TPCN1: variants seen among roughly 807,000 people sequenced by gnomAD.
TPCN1 encodes two pore segment channel 1.
Under a neutral mutation model 108.8 loss-of-function variants are expected in TPCN1, and 52 were observed. That is an observed-to-expected ratio of 0.48 (90% CI 0.38 to 0.60). TPCN1 has a LOEUF of 0.60. Among genes scored for constraint, TPCN1 ranks in the 20% least tolerant of loss-of-function variants. TPCN1 has a pLI of 0.00. For synonymous variants in TPCN1, 446 were observed against 433.7 expected (o/e 1.03, Z -0.35); for missense variants, 806 against 1,072.8 (o/e 0.75, Z 3.47).
intron 2 of TPCN1, among the ~76,000 whole-genome samples, chr12:113,238,365 C>T (rs1953974104): frequency 6.6e-6 from 1 of 152,184 alleles, no homozygotes; most frequent in African/African-American, 2.4e-5. Context: ...TTGGTGGCTT[C>T]CTGCTTCAGC....
intron 2 of TPCN1, among the ~76,000 whole-genome samples, chr12:113,227,400 T>C (rs1953512989): frequency 6.6e-6 from 1 of 152,194 alleles, no homozygotes; most frequent in African/African-American, 2.4e-5. Flanking sequence ...CTTTGCTCCA[T>C]CTCAGTCCCT....
intron 10 of TPCN1, among the ~76,000 whole-genome samples, chr12:113,276,439 C>A (rs962044842): frequency 6.6e-5 from 10 of 152,160 alleles, no homozygotes; most frequent in African/African-American, 2.4e-4. Flanking sequence ...CAGTGACTCA[C>A]AAGGAGAAGT....
chr12:113,245,936 G>T (rs1265159960), intron 2 of TPCN1: 1 of 456,064 alleles, frequency 2.2e-6, no homozygotes, highest in East Asian at 7.0e-5. Flanking sequence ...CTGTGCTCCA[G>T]CAAACAGAAA....
chr12:113,263,936 G>C (rs750793557), intron 3 of TPCN1, among the ~76,000 whole-genome samples: 9 of 152,138 alleles, frequency 5.9e-5, no homozygotes, highest in Non-Finnish European at 1.2e-4. Context: ...CCATCTGTTG[G>C]TGGAGACCTC....
chr12:113,278,737 C>A, intron 13 of TPCN1, 35 bp from the exon 14 acceptor site: 1 of 1,604,844 alleles, frequency 6.2e-7, no homozygotes, highest in Non-Finnish European at 8.5e-7. Flanking sequence ...GTCCCTGGCC[C>A]TGACACCCTC....
chr12:113,222,165 C>T (rs947285431), intron 1 of TPCN1, among the ~76,000 whole-genome samples: 3 of 152,188 alleles, frequency 2.0e-5, no homozygotes, highest in African/African-American at 7.2e-5. Flanking sequence ...CAAGTCTCTT[C>T]CCCTCTCTGG....
intron 1 of TPCN1, among the ~76,000 whole-genome samples, chr12:113,221,986 C>T (rs922100693): frequency 2.0e-5 from 3 of 152,174 alleles, no homozygotes; most frequent in African/African-American, 7.2e-5. Flanking sequence ...GGTCAGGCTG[C>T]CCCAGCGGAC....
At chr12:113,292,057 T>C (rs1956288144) in intron 25 of TPCN1, 99 bp downstream of exon 25, 1 of 982,656 alleles carries the variant, frequency 1.0e-6, no homozygotes, top group Admixed American at 1.7e-5. Flanking sequence ...CAGGCTGTCA[T>C]TTTTCTGCTG....
chr12:113,279,359 GTATATATATATATATATATATA>G (rs1186995627), intron 14 of TPCN1, among the ~76,000 whole-genome samples: 11 of 41,000 alleles, frequency 2.7e-4, no homozygotes, highest in African/African-American at 1.2e-3. Context: ...GTGTGTGTGT[GTATATATATATATATATATATA>G]TATATATATA....
chr12:113,256,007 G>A (rs758941707), intron 2 of TPCN1, among the ~76,000 whole-genome samples: 56 of 152,162 alleles, frequency 3.7e-4, no homozygotes, highest in Non-Finnish European at 6.9e-4. Context: ...TATACTTTTT[G>A]TTATGAGGTC....
chr12:113,297,550 A>C lies in TPCN1; in HGVS notation c.*1474A>C. ...GGTCCCCCACCCCCTCCTCCCAACC[A>C]CCTCCAAGGCCAAGCTGGGTCCCAT... On this transcript the variant is annotated 3_prime_UTR_variant, in exon 28 of 28. Coordinates refer to ENST00000335509, the MANE Select transcript of TPCN1 (RefSeq NM_017901.6). This position sits in a 1 kb window ranked among gnomAD's most constrained non-coding sequence, Gnocchi z 4.4. 3 of 148,604 alleles carry C rather than the reference A, an allele frequency of 2.0e-5. No individual in the cohort carries two copies. The highest frequency in any genetic ancestry group is 6.7e-5 in the Admixed American group (1 of 14,922). The allele number at this position is 148,604 out of a possible 1,614,324, so 9.2% of individuals were successfully genotyped here.
At chr12:113,291,093 C>A in intron 23 of TPCN1, 95 bp downstream of exon 23, 2 of 1,213,640 alleles carry the variant, frequency 1.6e-6, no homozygotes, top group Non-Finnish European at 2.4e-6. Flanking sequence ...CTTCCCGTAG[C>A]TTGCAGGGCT....
rs147103834 is a variant in TPCN1, at chr12:113,264,506, C to G, written c.238-1674C>G. Among the ~76,000 whole-genome samples the G allele has an allele frequency of 5.2e-3, 794 of 152,082 alleles. 8 individuals are homozygous for G. The highest frequency in any genetic ancestry group is 0.019 in the African/African-American group (778 of 41,482). On this transcript the variant is annotated intron_variant, in intron 3 of 27. Transcript: ENST00000335509. ...CCAGCCTGGGCAACATGGTGAAACA[C>G]CATCTCTACTAAAAATACAAAAATT...
At position 113,234,910 on chromosome 12, in the gene TPCN1, G is replaced by A. The variant is rs895520629; in HGVS notation, c.112+7946G>A. On this transcript the variant is annotated intron_variant, in intron 2 of 27. Transcript: ENST00000335509. The stretch of plus-strand genomic sequence containing the variant: ...AAATAGTGGCAACCAATTCATATAT[G>A]TCTTCAATGTATAGTGAAATCTGGT... Among the ~76,000 whole-genome samples, 5 of 152,168 alleles carry A rather than the reference G, an allele frequency of 3.3e-5. No homozygotes were observed. The East Asian group carries it at 5.8e-4, about 18-fold the overall frequency.
At position 113,293,256 on chromosome 12, in the gene TPCN1, T is replaced by C; in HGVS notation, c.2254-13T>C. On this transcript the variant is annotated splice_polypyrimidine_tract_variant and intron_variant, in intron 26 of 27. Coordinates refer to ENST00000335509, the MANE Select transcript of TPCN1 (RefSeq NM_017901.6). ...ATCTGCAGCCGAGCCCTGCAGCCTC[T>C]GCTCTTCCTTAGCAACATTCCATGG... 6.2e-7 allele frequency: 1 copy of C among 1,613,932 alleles called. No individual in the cohort carries two copies. The highest frequency in any genetic ancestry group is 8.5e-7 in the Non-Finnish European group (1 of 1,179,928).
intron 3 of TPCN1, among the ~76,000 whole-genome samples, chr12:113,264,083 T>C (rs947329895): frequency 6.6e-6 from 1 of 151,122 alleles, no homozygotes; most frequent in Non-Finnish European, 1.5e-5. Context: ...TTTTTTTTTT[T>C]GGTTATTGAA....
chr12:113,255,930 A>C (rs1235046961), intron 2 of TPCN1, among the ~76,000 whole-genome samples: 1 of 151,214 alleles, frequency 6.6e-6, no homozygotes. Context: ...AGCTCAAGCC[A>C]TCCTCCCACC....
chr12:113,233,624 C>T (rs772134260), intron 2 of TPCN1, among the ~76,000 whole-genome samples: 3 of 152,234 alleles, frequency 2.0e-5, no homozygotes, highest in Non-Finnish European at 2.9e-5. Context: ...CCCTTCTCCC[C>T]GCAGTCAGGT....
Position 113,277,246 on chromosome 12 carries a change from G to A in TPCN1, c.1066G>A (p.Ala356Thr). 3 of 1,613,120 alleles carry A rather than the reference G, an allele frequency of 1.9e-6. No individual in the cohort carries two copies. The highest frequency in any genetic ancestry group is 2.5e-6 in the Non-Finnish European group (3 of 1,179,516). ...YRLLISQRRP[A>T]GISYRQFEGL... ...GCTCTTCCCTCTCCCCCAGAGGCCT[G>A]CCGGCATCTCCTACAGGCAGTTTGA... The change falls in exon 12 of 28, where the codon GCC becomes ACC. Residue 356 changes from alanine (A) to threonine (T), a missense_variant. By Grantham distance (58) the Ala-to-Thr change is moderately conservative. Coordinates refer to ENST00000335509, the MANE Select transcript of TPCN1 (RefSeq NM_017901.6).
Sources: allele counts gnomAD v4.1 joint callset (sites outside exome capture counted in the v4.1 genomes callset), GRCh38; gene constraint gnomAD v4.1.1; non-coding constraint Gnocchi (gnomAD v3.1); transcripts MANE v1.5; gene names NCBI Gene and HGNC (gene_info 2026-07-23, HGNC 2026-07-21).